PSMB8: variants seen among roughly 807,000 people sequenced by gnomAD.
PSMB8 encodes the protein proteasome 20S subunit beta 8, also known as proteasome subunit beta type-8.
In PSMB8, 20 loss-of-function variants were observed where a neutral mutation model predicts 32.3. The ratio of observed to expected loss-of-function variants is 0.62; its 90% CI spans 0.44 to 0.90. PSMB8 has a LOEUF of 0.90. Ranked by LOEUF, PSMB8 falls within the 40% of genes least tolerant of loss-of-function variation. The probability of loss-of-function intolerance (pLI) is 0.00; values close to 1 mark genes in which losing one functional copy is unlikely to be tolerated. For missense variants in PSMB8, 342 were observed against 365.4 expected, an observed-to-expected ratio of 0.94 and a Z score of 0.52; for synonymous variants, 131 against 135.4, an observed-to-expected ratio of 0.97 and a Z score of 0.23.
intron 5 of PSMB8, 52 bp downstream of exon 5, chr6:32,841,479 C>A (rs1035169237): frequency 2.8e-4 from 445 of 1,569,968 alleles, no homozygotes; most frequent in South Asian, 6.2e-4. Flanking sequence ...TCACCCCCCC[C>A]ACCACCCGCC....
chr6:32,844,525 G>A, upstream of PSMB8: 1 of 1,317,826 alleles, frequency 7.6e-7, no homozygotes, highest in Non-Finnish European at 1.1e-6. Flanking sequence ...GGCGGCGCCA[G>A]GGAGAGGGCG....
At chr6:32,841,881 G>T in intron 4 of PSMB8, 146 bp from the exon 5 acceptor site, 2 of 1,038,814 alleles carry the variant, frequency 1.9e-6, no homozygotes, top group African/African-American at 1.6e-5. Context: ...TAAAGTCATC[G>T]AACTTTAGAA....
Position 32,842,774 on chromosome 6 carries a change from C to T in PSMB8, c.305G>A (p.Arg102Gln), listed in dbSNP as rs907882564. 5.0e-6 allele frequency: 8 copies of T among 1,613,980 alleles called. No individual in the cohort carries two copies. The African/African-American group carries it at 5.3e-5, about 11-fold the overall frequency. ...GTTAATCTCAATCACCTTGTTCACCCGTAAGGCACCTGGAAGAAGATGGAG... is the reference window on the plus strand; with the variant it reads ...GTTAATCTCAATCACCTTGTTCACCTGTAAGGCACCTGGAAGAAGATGGAG... ...ASAGSYISAL[R>Q]VNKVIEINPY... Residue 102 changes from arginine to glutamine, a missense_variant, in exon 3 of 6, where the codon CGG (arginine) becomes CAG (glutamine). Physicochemically the swap from Arg to Gln is conservative, Grantham distance 43. Transcript: ENST00000374882.
intron 3 of PSMB8, among the ~76,000 whole-genome samples, 197 bp from the exon 4 acceptor site, chr6:32,842,460 G>A (rs1463905919): frequency 1.3e-5 from 2 of 152,242 alleles, no homozygotes; most frequent in Non-Finnish European, 1.5e-5. Context: ...CAGGGTGGAT[G>A]TGTCAGTGCT....
chr6:32,843,756 C>G (rs1458969429), intron 1 of PSMB8, 94 bp downstream of exon 1: 2 of 1,519,018 alleles, frequency 1.3e-6, no homozygotes, highest in Non-Finnish European at 1.8e-6. Flanking sequence ...ACCCTGTACC[C>G]CGCGCTCCCG....
chr6:32,841,319 G>T (rs1481418400), intron 5 of PSMB8, among the ~76,000 whole-genome samples: 1 of 152,052 alleles, frequency 6.6e-6, no homozygotes, highest in Non-Finnish European at 1.5e-5. Context: ...CTCACTGCAA[G>T]CTCCACCTCC....
At chr6:32,844,306 A>C (rs201412714), upstream of PSMB8, 2 of 1,613,558 alleles carry the variant, frequency 1.2e-6, no homozygotes, top group East Asian at 2.2e-5. Flanking sequence ...CGCTGGAAAC[A>C]GGGGTGGGTA....
In PSMB8 at chr6:32,842,715, C is replaced by T. The variant is rs1259192195; in HGVS notation, c.364G>A (p.Ala122Thr). Residue 122 changes from alanine (A) to threonine (T), a missense_variant, in exon 3 of 6, where the codon GCA (alanine) becomes ACA (threonine). Physicochemically the swap from Ala to Thr is moderately conservative, Grantham distance 58. Coordinates refer to ENST00000374882, the MANE Select transcript of PSMB8 (RefSeq NM_148919.4). The stretch of plus-strand genomic sequence containing the variant: ...AGGCGCTCCCAGTACTGACAGTCTG[C>T]TGCACAGCCAGACATGGTGCCAAGC... ...YLLGTMSGCA[A>T]DCQYWERLLA... 6 of 1,614,220 alleles carry T rather than the reference C, an allele frequency of 3.7e-6. No individual in the cohort carries two copies. Among genetic ancestry groups the T allele is most frequent in the Non-Finnish European group, 5.1e-6 (6 of 1,180,026 alleles).
chr6:32,843,664 T>C (rs552293858), intron 1 of PSMB8, among the ~76,000 whole-genome samples, 186 bp downstream of exon 1: 3 of 152,292 alleles, frequency 2.0e-5, no homozygotes, highest in Non-Finnish European at 4.4e-5. Context: ...TTGTCCTAAC[T>C]TGCACTTCCT....
intron 3 of PSMB8, 41 bp from the exon 4 acceptor site, chr6:32,842,304 T>C (rs1490727552): frequency 6.2e-7 from 1 of 1,610,012 alleles, no homozygotes; most frequent in Non-Finnish European, 8.5e-7. Flanking sequence ...AGAGGTTAGC[T>C]CTTTCCAACT....
At position 32,843,750 on chromosome 6, in the gene PSMB8, T is replaced by G. The variant is rs552835668; in HGVS notation, c.147+100A>C. ...CGGGACTGAAGGCTACCCCCGACCC[T>G]GTACCCCGCGCTCCCGCTCTCGCCT... On this transcript the variant is annotated intron_variant, in intron 1 of 5. Coordinates refer to ENST00000374882, the MANE Select transcript of PSMB8 (RefSeq NM_148919.4). 3 of 1,478,510 alleles carry G rather than the reference T, an allele frequency of 2.0e-6. No individual in the cohort carries two copies. In the East Asian group the frequency reaches 6.8e-5, roughly 33 times the overall value. The allele number at this position is 1,478,510 out of a possible 1,614,324, so 91.6% of individuals were successfully genotyped here.
upstream of PSMB8, chr6:32,844,193 G>T: frequency 6.4e-7 from 1 of 1,560,514 alleles, no homozygotes; most frequent in Non-Finnish European, 8.7e-7. Flanking sequence ...TCGGGGGAAT[G>T]ATGGGTCAAG....
chr6:32,842,168 G>T lies in PSMB8; in HGVS notation c.503C>A (p.Ser168Tyr), dbSNP rs752811881. The change falls in exon 4 of 6, where the codon TCT (serine) becomes TAT (tyrosine). Residue 168 changes from serine to tyrosine, a missense_variant. Physicochemically the swap from Ser to Tyr is moderately radical, Grantham distance 144. Transcript: ENST00000374882. ...MMCQYRGMGL[S>Y]MGSMICGWDK... ...CCAGCCACAGATCATACTGCCCATA[G>T]AGAGGCCCATGCCCCGGTACTGGCA... 1 of 1,613,148 alleles carries T rather than the reference G, an allele frequency of 6.2e-7. No homozygotes were observed. Among genetic ancestry groups the T allele is most frequent in the Admixed American group, 1.7e-5 (1 of 60,036 alleles).
At position 32,840,981 on chromosome 6, in the gene PSMB8, T is replaced by G. The variant is rs1445442745; in HGVS notation, c.809A>C (p.Gln270Pro). 6.2e-7 allele frequency: 1 copy of G among 1,613,476 alleles called. No homozygotes were observed. Among genetic ancestry groups the G allele is most frequent in the Non-Finnish European group, 8.5e-7 (1 of 1,179,510 alleles). ...CCATTATTGATTGGCTTCCCGGTAC[T>G]GGTGCAGCAGGTCACTGACATCTGT... ...ESTDVSDLLH[Q>P]YREANQ is the part of the protein sequence containing the mutation. Residue 270 changes from glutamine to proline, a missense_variant, in exon 6 of 6, where the codon CAG becomes CCG. Coordinates refer to ENST00000374882, the MANE Select transcript of PSMB8 (RefSeq NM_148919.4).
Position 32,840,933 on chromosome 6 carries a change from G to T in PSMB8, c.*26C>A. The T allele has an allele frequency of 6.3e-7, 1 of 1,589,082 alleles. No individual in the cohort carries two copies. The highest frequency in any genetic ancestry group is 8.6e-7 in the Non-Finnish European group (1 of 1,157,278). On this transcript the variant is annotated 3_prime_UTR_variant, in exon 6 of 6. Transcript: ENST00000374882. Reference sequence around the variant, plus strand: ...GAGTCGGCCAAGACCTCCCAGAGGAGACCTGCCCAGCTGCCACCACCACCA... The same window carrying T: ...GAGTCGGCCAAGACCTCCCAGAGGATACCTGCCCAGCTGCCACCACCACCA...
intron 1 of PSMB8, among the ~76,000 whole-genome samples, chr6:32,843,357 C>T (rs962642908): frequency 2.6e-5 from 4 of 152,154 alleles, no homozygotes; most frequent in Admixed American, 1.3e-4. Context: ...TTGAGAGTGA[C>T]TTAAAGGGTT....
intron 5 of PSMB8, 101 bp downstream of exon 5, chr6:32,841,430 G>T: frequency 1.6e-6 from 2 of 1,246,026 alleles, no homozygotes; most frequent in South Asian, 2.4e-5. Flanking sequence ...TAGAGACGGG[G>T]TTTCGCCATG....
intron 5 of PSMB8, 118 bp downstream of exon 5, chr6:32,841,413 G>C (rs1047828358): frequency 5.8e-5 from 64 of 1,095,310 alleles, no homozygotes; most frequent in Non-Finnish European, 8.0e-5. Flanking sequence ...AATTTTTGTA[G>C]TTTTAGTAGA....
chr6:32,842,056 T>G, intron 4 of PSMB8, 78 bp downstream of exon 4: 3 of 1,603,812 alleles, frequency 1.9e-6, no homozygotes, highest in Non-Finnish European at 1.7e-6. Context: ...AGGGAGGGAG[T>G]AGGAGTATAT....
Sources: allele counts gnomAD v4.1 joint callset (sites outside exome capture counted in the v4.1 genomes callset), GRCh38; gene constraint gnomAD v4.1.1; transcripts MANE v1.5; gene names NCBI Gene and HGNC (gene_info 2026-07-23, HGNC 2026-07-21).